The following YIPF4 variants were observed in gnomAD, a reference collection of about 807,000 sequenced individuals.
YIPF4 encodes the protein protein YIPF4.
A neutral mutation model predicts 29.4 loss-of-function variants in YIPF4; 18 were observed. The observed-to-expected ratio is 0.61, with a 90% CI of 0.42 to 0.91. The LOEUF (loss-of-function observed/expected upper bound fraction) is 0.91. YIPF4 is among the 40% of genes least tolerant of loss of function. YIPF4 has a pLI of 0.00. For synonymous variants in YIPF4, 115 were observed against 104.7 expected (o/e 1.10, Z -0.60); for missense variants, 279 against 282.7 (o/e 0.99, Z 0.09).
chr2:32,306,560 C>T lies in YIPF4; in HGVS notation c.*934C>T, dbSNP rs1377525811. On this transcript the variant is annotated 3_prime_UTR_variant, in exon 6 of 6. Transcript: ENST00000238831. ...TATATGAAGTAGAAAAAATAAAATA[C>T]TTCCCAGTTGTGTGTTTTGTTTTAC... 1.0e-6 allele frequency: 1 copy of T among 985,094 alleles called. No homozygotes were observed. The highest frequency in any genetic ancestry group is 1.2e-6 in the Non-Finnish European group (1 of 829,822). The allele number at this position is 985,094 out of a possible 1,614,324, so 61.0% of individuals were successfully genotyped here.
chr2:32,288,992 G>A (rs1177645632), intron 1 of YIPF4, among the ~76,000 whole-genome samples: 1 of 152,050 alleles, frequency 6.6e-6, no homozygotes, highest in Non-Finnish European at 1.5e-5. Context: ...AACACTCTTT[G>A]TATCTATTAG....
In YIPF4 at chr2:32,305,484, T is replaced by A. The variant is rs769338128; in HGVS notation, c.598-5T>A. 3.9e-6 allele frequency: 6 copies of A among 1,539,476 alleles called. No homozygotes were observed. Among genetic ancestry groups the A allele is most frequent in the South Asian group, 1.3e-5 (1 of 75,720 alleles). ...TGCCTTTTGTCTTTTTTCCTTTTTT[T>A]AAAGCTGTTTGGTGTGTTTTGGGCT... is the stretch of plus-strand genomic sequence containing the variant. On this transcript the variant is annotated splice_polypyrimidine_tract_variant and splice_region_variant and intron_variant, in intron 5 of 5. Transcript: ENST00000238831.
At chr2:32,288,243 G>T (rs2030760483) in intron 1 of YIPF4, among the ~76,000 whole-genome samples, 1 of 152,244 alleles carries the variant, frequency 6.6e-6, no homozygotes, top group Admixed American at 6.5e-5. Flanking sequence ...GGAACAGAAA[G>T]TACTAGAAAA....
intron 1 of YIPF4, among the ~76,000 whole-genome samples, chr2:32,287,604 G>T (rs1320658513): frequency 6.6e-6 from 1 of 152,190 alleles, no homozygotes. Context: ...TGCACTGTGA[G>T]AATTTTTCAC....
chr2:32,307,180 A>G lies in YIPF4; in HGVS notation c.*1554A>G, dbSNP rs1244152939. 1 of 1,265,374 alleles carries G rather than the reference A, an allele frequency of 7.9e-7. No individual in the cohort carries two copies. Among genetic ancestry groups the G allele is most frequent in the Admixed American group, 2.7e-5 (1 of 36,902 alleles). 78.4% of individuals were successfully genotyped at this position (1,265,374 alleles called of 1,614,324 possible). ...AATCAGGAAATATCTATGCCTACAG[A>G]AGCAGCAACCGTAAGATAAACATTT... On this transcript the variant is annotated 3_prime_UTR_variant, in exon 6 of 6. Coordinates refer to ENST00000238831, the MANE Select transcript of YIPF4 (RefSeq NM_032312.4).
At chr2:32,278,612 A>C (rs1396141644) in intron 1 of YIPF4, among the ~76,000 whole-genome samples, 2 of 152,174 alleles carry the variant, frequency 1.3e-5, no homozygotes, top group Non-Finnish European at 2.9e-5. Flanking sequence ...AATGAGAAAA[A>C]GGAAGGAGGG....
At chr2:32,282,116 A>G (rs892800152) in intron 1 of YIPF4, among the ~76,000 whole-genome samples, 2 of 151,916 alleles carry the variant, frequency 1.3e-5, no homozygotes, top group African/African-American at 2.4e-5. Flanking sequence ...AGCAATTTTC[A>G]CATGCTAGAT....
At chr2:32,289,898 A>G (rs1193209195) in intron 1 of YIPF4, among the ~76,000 whole-genome samples, 1 of 152,152 alleles carries the variant, frequency 6.6e-6, no homozygotes, top group Non-Finnish European at 1.5e-5. Context: ...ATAACAGGGG[A>G]CTCTTACTCA....
At chr2:32,279,490 C>T (rs1338219888) in intron 1 of YIPF4, among the ~76,000 whole-genome samples, 2 of 149,848 alleles carry the variant, frequency 1.3e-5, no homozygotes, top group Non-Finnish European at 3.0e-5. Context: ...CTCTGCCTCC[C>T]GGGTTCACGC....
intron 5 of YIPF4, 126 bp downstream of exon 5, chr2:32,301,621 C>T (rs1301592586): frequency 5.2e-6 from 3 of 573,298 alleles, no homozygotes; most frequent in Non-Finnish European, 5.9e-6. Flanking sequence ...TTGGAAGTGA[C>T]CTTCCTTACT....
chr2:32,297,676 A>G (rs2031248776), intron 3 of YIPF4, among the ~76,000 whole-genome samples: 1 of 151,986 alleles, frequency 6.6e-6, no homozygotes, highest in Non-Finnish European at 1.5e-5. Context: ...TAAATAAAAT[A>G]ATAAATAATA....
In YIPF4 at chr2:32,296,470, CAAAAAAA is replaced by C. The variant is rs1217407449; in HGVS notation, c.406-1756_406-1750del. Among the ~76,000 whole-genome samples the C allele has an allele frequency of 1.1e-3, 98 of 87,900 alleles. 1 individual carries two copies. The highest frequency in any genetic ancestry group is 1.2e-3 in the Non-Finnish European group (53 of 42,468). 57.7% of individuals were successfully genotyped at this position (87,900 alleles called of 152,430 possible). A position where few individuals can be genotyped will look rare whatever the true frequency, so the allele number is the denominator to read the frequency against. ...TGGGTGACAGAGCAAGACTCAGTCT[CAAAAAAA>C]AAAAAAAGGAAAAAAAACCCCAGAA... On this transcript the variant is annotated intron_variant, in intron 3 of 5. Transcript: ENST00000238831.
At chr2:32,296,253 G>C (rs2031176580) in intron 3 of YIPF4, among the ~76,000 whole-genome samples, 1 of 152,124 alleles carries the variant, frequency 6.6e-6, no homozygotes, top group East Asian at 1.9e-4. Context: ...GGTGGATCAT[G>C]ATGAGGTCAG....
At chr2:32,280,710 T>C (rs550473831) in intron 1 of YIPF4, among the ~76,000 whole-genome samples, 2 of 152,118 alleles carry the variant, frequency 1.3e-5, no homozygotes, top group East Asian at 3.9e-4. Context: ...TAGATCTCAC[T>C]AGGTTGCCTA....
chr2:32,302,731 C>T (rs1394284064), intron 5 of YIPF4, among the ~76,000 whole-genome samples: 1 of 152,068 alleles, frequency 6.6e-6, no homozygotes, highest in African/African-American at 2.4e-5. Context: ...TTATGGAGAA[C>T]AGAACTTTTA....
At chr2:32,300,044 A>T (rs1408406839) in intron 4 of YIPF4, among the ~76,000 whole-genome samples, 1 of 152,120 alleles carries the variant, frequency 6.6e-6, no homozygotes, top group Non-Finnish European at 1.5e-5. Context: ...GGGCGGGTGG[A>T]TCACCTGAGG....
chr2:32,289,348 C>G (rs564461212), intron 1 of YIPF4, among the ~76,000 whole-genome samples: 3 of 152,088 alleles, frequency 2.0e-5, no homozygotes, highest in Admixed American at 6.5e-5. Context: ...ATAAGCCGAC[C>G]AGGATGTGAC....
Position 32,309,920 on chromosome 2 carries a change from C to T in YIPF4, c.*4294C>T. 6.6e-6 allele frequency: 1 copy of T among 152,076 alleles called. No homozygotes were observed. 9.4% of individuals were successfully genotyped at this position (152,076 alleles called of 1,614,324 possible). A position where few individuals can be genotyped will look rare whatever the true frequency, so the allele number is the denominator to read the frequency against. On this transcript the variant is annotated 3_prime_UTR_variant, in exon 6 of 6. Coordinates refer to ENST00000238831, the MANE Select transcript of YIPF4 (RefSeq NM_032312.4). ...GGCCAGGCTGGTCTTAAACTCCTGA[C>T]CTCAGGTGATCCACCCACCTTGGCC...
chr2:32,292,632 G>A (rs991380716), intron 3 of YIPF4, among the ~76,000 whole-genome samples: 1 of 152,056 alleles, frequency 6.6e-6, no homozygotes, highest in Non-Finnish European at 1.5e-5. Flanking sequence ...GGAGGCCGAG[G>A]TGGGTGGATC....
Sources: allele counts gnomAD v4.1 joint callset (sites outside exome capture counted in the v4.1 genomes callset), GRCh38; gene constraint gnomAD v4.1.1; transcripts MANE v1.5; gene names NCBI Gene and HGNC (gene_info 2026-07-23, HGNC 2026-07-21).